Variants in FANCD2OS observed in about 807,000 individuals in gnomAD.
The protein encoded by FANCD2OS is FANCD2 opposite strand, also known as FANCD2 opposite strand protein.
In FANCD2OS, 11 loss-of-function variants were observed where a neutral mutation model predicts 13.2. That is an observed-to-expected ratio of 0.83 (90% CI 0.52 to 1.38). FANCD2OS has a LOEUF of 1.38. FANCD2OS is among the 40% of genes most tolerant of loss of function. The pLI is 0.00. For missense variants in FANCD2OS, 217 were observed against 213.9 expected (o/e 1.01, Z -0.09); for synonymous variants, 69 against 84.5 (o/e 0.82, Z 1.01).
chr3:10,096,831 AT>A (rs966722004), intron 2 of FANCD2OS, among the ~76,000 whole-genome samples: 77 of 152,066 alleles, frequency 5.1e-4, no homozygotes, highest in African/African-American at 1.8e-3. Flanking sequence ...TTCTTTTGTT[AT>A]TTTTTTTCCC....
Position 10,081,944 on chromosome 3 carries a change from C to A in FANCD2OS, c.*44-413G>T, listed in dbSNP as rs138849770. ...GGTGTGCCCCTTAAATACTTTTGTT[C>A]CTCAGGGACAGGCGTTGGGCTCTCT... is the stretch of plus-strand genomic sequence containing the variant. On this transcript the variant is annotated intron_variant, in intron 2 of 2. Coordinates refer to the FANCD2OS transcript ENST00000524279. 3.6e-3 allele frequency among the ~76,000 whole-genome samples: 549 copies of A among 152,268 alleles called. 3 individuals are homozygous for A. The highest frequency in any genetic ancestry group is 0.013 in the African/African-American group (527 of 41,548).
chr3:10,093,390 G>T, intron 2 of FANCD2OS: 1 of 1,336,636 alleles, frequency 7.5e-7, no homozygotes, highest in Non-Finnish European at 1.1e-6. Context: ...GAGGACCTCA[G>T]CTGAGATAAA....
At chr3:10,090,203 A>T in intron 2 of FANCD2OS, 1 of 893,470 alleles carries the variant, frequency 1.1e-6, no homozygotes, top group Non-Finnish European at 1.9e-6. Flanking sequence ...AGAGGTAGGG[A>T]AGGAAGCTAC....
intron 2 of FANCD2OS, chr3:10,088,999 C>T (rs370534137): frequency 1.9e-6 from 3 of 1,606,194 alleles, no homozygotes; most frequent in African/African-American, 1.3e-5. Flanking sequence ...GAATCATCAT[C>T]AGGCTGGGCA....
chr3:10,098,643 G>A, downstream of FANCD2OS: 4 of 1,556,308 alleles, frequency 2.6e-6, no homozygotes, highest in East Asian at 2.3e-5. Context: ...TGTATTGCCT[G>A]TAAACTCAAC....
At chr3:10,094,006 C>T (rs2125090035) in intron 2 of FANCD2OS, among the ~76,000 whole-genome samples, 1 of 152,294 alleles carries the variant, frequency 6.6e-6, no homozygotes, top group Non-Finnish European at 1.5e-5. Context: ...AGATAGAGCT[C>T]CCCTCTACTC....
chr3:10,103,094 TAAAA>T (rs111889470), downstream of FANCD2OS: 7 of 405,974 alleles, frequency 1.7e-5, no homozygotes, highest in African/African-American at 8.7e-5. Flanking sequence ...CCATCTCTAC[TAAAA>T]AAAAAAAAAT....
chr3:10,085,050 A>C (rs776438516), intron 2 of FANCD2OS, among the ~76,000 whole-genome samples: 2 of 152,214 alleles, frequency 1.3e-5, no homozygotes, highest in Non-Finnish European at 2.9e-5. Flanking sequence ...CAAAGATAGA[A>C]ATGTCAAGAC....
At chr3:10,092,664 T>C (rs1467743908) in intron 2 of FANCD2OS, among the ~76,000 whole-genome samples, 1 of 149,776 alleles carries the variant, frequency 6.7e-6, no homozygotes, top group Non-Finnish European at 1.5e-5. Flanking sequence ...AATGTCCTTG[T>C]CTCTCCACCT....
At chr3:10,089,516 C>T (rs1480413292) in intron 2 of FANCD2OS, among the ~76,000 whole-genome samples, 1 of 152,078 alleles carries the variant, frequency 6.6e-6, no homozygotes, top group Non-Finnish European at 1.5e-5. Flanking sequence ...GTCACCCAGG[C>T]TGGAGTGCAG....
chr3:10,098,592 T>C (rs1434671135), downstream of FANCD2OS: 1 of 1,109,132 alleles, frequency 9.0e-7, no homozygotes, highest in South Asian at 1.5e-5. Flanking sequence ...CAAGTTGGTA[T>C]CCATGTTTGC....
Position 10,104,203 on chromosome 3 carries a change from G to A in FANCD2OS, c.*38C>T, listed in dbSNP as rs1695403102. The A allele has an allele frequency of 6.5e-7, 1 of 1,536,106 alleles. No homozygotes were observed. Among genetic ancestry groups the A allele is most frequent in the African/African-American group, 1.4e-5 (1 of 72,796 alleles). ...TGTAAGCTTTAGGTACATACCAAAG[G>A]GCATGGTGTGAGTAAATGGGGATCA... On this transcript the variant is annotated 3_prime_UTR_variant, in exon 2 of 2. Transcript: ENST00000450660.
At chr3:10,094,013 A>G (rs960317210) in intron 2 of FANCD2OS, among the ~76,000 whole-genome samples, 3 of 152,030 alleles carry the variant, frequency 2.0e-5, no homozygotes, top group African/African-American at 7.2e-5. Flanking sequence ...GCTCCCCTCT[A>G]CTCTATGCTC....
chr3:10,107,583 GGC>G (rs1491137348), intron 1 of FANCD2OS, among the ~76,000 whole-genome samples: 68 of 151,964 alleles, frequency 4.5e-4, no homozygotes, highest in Admixed American at 4.3e-3. Flanking sequence ...ACCGGGCCCG[GGC>G]CCCCCGGATC....
At chr3:10,099,208 A>T, downstream of FANCD2OS, 1 of 1,370,446 alleles carries the variant, frequency 7.3e-7, no homozygotes, top group Non-Finnish European at 9.4e-7. Context: ...ATGTGAAAGC[A>T]TTTGGTGAAA....
At chr3:10,091,154 C>T (rs1206754901) in intron 2 of FANCD2OS, among the ~76,000 whole-genome samples, 34 of 148,758 alleles carry the variant, frequency 2.3e-4, no homozygotes, top group African/African-American at 8.1e-4. Flanking sequence ...AAACTTGGCT[C>T]ACTGCAGCCT....
chr3:10,097,319 C>A (rs1695027786), intron 2 of FANCD2OS, among the ~76,000 whole-genome samples: 1 of 152,164 alleles, frequency 6.6e-6, no homozygotes, highest in Non-Finnish European at 1.5e-5. Flanking sequence ...ATTTCCTCTT[C>A]CTAATAAGCC....
At chr3:10,103,204 A>C, downstream of FANCD2OS, 1 of 322,486 alleles carries the variant, frequency 3.1e-6, no homozygotes, top group Non-Finnish European at 6.1e-6. Context: ...GGAGTTCGAG[A>C]CCAGCCCGAC....
At chr3:10,096,916 G>T (rs1695000741) in intron 2 of FANCD2OS, among the ~76,000 whole-genome samples, 1 of 152,106 alleles carries the variant, frequency 6.6e-6, no homozygotes, top group South Asian at 2.1e-4. Flanking sequence ...TAATCACGTA[G>T]GTTCTTTTCT....
Sources: allele counts gnomAD v4.1 joint callset (sites outside exome capture counted in the v4.1 genomes callset), GRCh38; gene constraint gnomAD v4.1.1; transcripts MANE v1.5; gene names NCBI Gene and HGNC (gene_info 2026-07-23, HGNC 2026-07-21).